WDPCP: variants seen among roughly 807,000 people sequenced by gnomAD.
WDPCP encodes WD repeat-containing and planar cell polarity effector protein fritz homolog.
WDPCP carries 71 observed loss-of-function variants against 93.1 expected under a neutral mutation model. The observed-to-expected ratio is 0.76, with a 90% confidence interval of 0.63 to 0.93. The LOEUF is 0.93. WDPCP is among the 40% of genes least tolerant of loss of function. The probability of loss-of-function intolerance (pLI) is 0.00; values close to 1 mark genes in which losing one functional copy is unlikely to be tolerated. For synonymous variants in WDPCP, 315 were observed against 315.0 expected (o/e 1.00, Z 0.00); for missense variants, 844 against 887.4 (o/e 0.95, Z 0.62).
At chr2:63,473,513 A>G (rs1227942931) in intron 6 of WDPCP, among the ~76,000 whole-genome samples, 2 of 152,054 alleles carry the variant, frequency 1.3e-5, no homozygotes, top group Non-Finnish European at 1.5e-5. Flanking sequence ...GGTCATCCCA[A>G]TATTTGTGCC....
rs531839724 is a variant in WDPCP at position 63,799,682 on chromosome 2, G to A, written n.308+13940C>T. On this transcript the variant is annotated intron_variant and non_coding_transcript_variant, in intron 2 of 4. Coordinates refer to the WDPCP transcript ENST00000467687. Reference sequence around the variant, plus strand: ...TCTCATATTCTTCTTTTTTAAATTCGTAACCCTTCACAAATATAAAAACCA... The same window carrying A: ...TCTCATATTCTTCTTTTTTAAATTCATAACCCTTCACAAATATAAAAACCA... Among the ~76,000 whole-genome samples, 23 of 152,152 alleles carry A rather than the reference G, an allele frequency of 1.5e-4. No individual in the cohort carries two copies. In the South Asian group the frequency reaches 4.4e-3, roughly 29 times the overall value.
intron 12 of WDPCP, among the ~76,000 whole-genome samples, chr2:63,318,909 G>A (rs992894128): frequency 1.3e-5 from 2 of 151,954 alleles, no homozygotes; most frequent in African/African-American, 4.8e-5. Context: ...ACCGGCTGAT[G>A]TACCCTTGAC....
chr2:63,525,045 AAAGT>A (rs1418673016), intron 1 of WDPCP, among the ~76,000 whole-genome samples: 1 of 152,216 alleles, frequency 6.6e-6, no homozygotes, highest in East Asian at 1.9e-4. Flanking sequence ...ATAGATACAC[AAAGT>A]AATACTACTC....
intron 10 of WDPCP, among the ~76,000 whole-genome samples, chr2:63,383,635 T>A (rs1359105348): frequency 6.6e-6 from 1 of 152,052 alleles, no homozygotes; most frequent in East Asian, 1.9e-4. Flanking sequence ...ATCGCTTGCA[T>A]CTGGGAGGTG....
At chr2:63,136,049 A>G (rs921334330) in intron 17 of WDPCP, among the ~76,000 whole-genome samples, 3 of 152,224 alleles carry the variant, frequency 2.0e-5, no homozygotes, top group African/African-American at 7.2e-5. Flanking sequence ...TCTGAGGGAC[A>G]TACTTTTTCT....
At chr2:63,413,242 G>A (rs753859060) in intron 9 of WDPCP, among the ~76,000 whole-genome samples, 2 of 152,032 alleles carry the variant, frequency 1.3e-5, no homozygotes, top group African/African-American at 4.8e-5. Flanking sequence ...ACTGATCTTC[G>A]ACAAAGCATA....
intron 2 of WDPCP, among the ~76,000 whole-genome samples, chr2:63,794,720 A>G (rs1364186654): frequency 1.3e-5 from 2 of 152,140 alleles, no homozygotes; most frequent in Non-Finnish European, 2.9e-5. Flanking sequence ...TTAAGCCACC[A>G]CTTTGAGTTG....
chr2:63,332,578 C>T (rs1054553715), intron 12 of WDPCP, among the ~76,000 whole-genome samples: 6 of 151,954 alleles, frequency 3.9e-5, no homozygotes, highest in East Asian at 1.9e-4. Context: ...TTTTTTATTG[C>T]GTTATCTTAC....
chr2:63,718,902 CAATT>C (rs1669375268), intron 2 of WDPCP, among the ~76,000 whole-genome samples: 4 of 152,018 alleles, frequency 2.6e-5, no homozygotes, highest in Admixed American at 6.5e-5. Flanking sequence ...TTTTAAAAAA[CAATT>C]AATATATAAA....
At chr2:63,514,601 G>T (rs1702437727) in intron 1 of WDPCP, among the ~76,000 whole-genome samples, 1 of 152,148 alleles carries the variant, frequency 6.6e-6, no homozygotes, top group Non-Finnish European at 1.5e-5. Context: ...GTACAAAACT[G>T]CTGGGCTGCC....
chr2:63,313,882 A>T (rs201275849), intron 12 of WDPCP, among the ~76,000 whole-genome samples: 8 of 30,846 alleles, frequency 2.6e-4, no homozygotes, highest in African/African-American at 5.4e-4. Context: ...ATATATATAT[A>T]TATATTTTTT....
intron 2 of WDPCP, among the ~76,000 whole-genome samples, chr2:63,692,765 T>C (rs933322304): frequency 6.6e-6 from 1 of 152,238 alleles, no homozygotes; most frequent in African/African-American, 2.4e-5. Context: ...TAATGGCTTA[T>C]ATCTCAAACA....
chr2:63,797,574 T>G (rs1311122206), intron 2 of WDPCP, among the ~76,000 whole-genome samples: 5 of 150,958 alleles, frequency 3.3e-5, no homozygotes, highest in South Asian at 4.2e-4. Flanking sequence ...TTACATTCAG[T>G]GTTTTGAGAC....
chr2:63,719,382 G>C (rs1669383650), intron 2 of WDPCP, among the ~76,000 whole-genome samples: 2 of 152,134 alleles, frequency 1.3e-5, no homozygotes, highest in African/African-American at 4.8e-5. Flanking sequence ...TTTTCTGTCT[G>C]CTCTCTGATT....
intron 2 of WDPCP, among the ~76,000 whole-genome samples, chr2:63,807,125 G>A (rs1398493212): frequency 2.0e-5 from 3 of 152,166 alleles, no homozygotes; most frequent in Non-Finnish European, 2.9e-5. Context: ...GTATTAATTT[G>A]GGGAACTAAT....
At chr2:63,403,848 T>G in intron 10 of WDPCP, 200 bp downstream of exon 10, 1 of 676,052 alleles carries the variant, frequency 1.5e-6, no homozygotes, top group East Asian at 2.9e-5. Context: ...TAGTGCAATT[T>G]ACAAATTATT....
intron 14 of WDPCP, among the ~76,000 whole-genome samples, chr2:63,238,191 A>G (rs1679567712): frequency 6.6e-6 from 1 of 152,118 alleles, no homozygotes; most frequent in African/African-American, 2.4e-5. Context: ...TTTGTCTCAG[A>G]TAATTACACC....
In WDPCP at chr2:63,120,013, A is replaced by G. The variant is rs1184134338; in HGVS notation, c.*1993T>C. On this transcript the variant is annotated 3_prime_UTR_variant, in exon 18 of 18. Coordinates refer to ENST00000272321, the MANE Select transcript of WDPCP (RefSeq NM_015910.7). Reference sequence around the variant, plus strand: ...ACTATGATTTGTTTAATTTTCACCTACATAACTGGCAAACATTTTCATTAT... The same window carrying G: ...ACTATGATTTGTTTAATTTTCACCTGCATAACTGGCAAACATTTTCATTAT... Among the ~76,000 whole-genome samples the G allele has an allele frequency of 6.6e-6, 1 of 152,194 alleles. No individual in the cohort carries two copies. Among genetic ancestry groups the G allele is most frequent in the African/African-American group, 2.4e-5 (1 of 41,456 alleles).
chr2:63,808,285 T>C lies in WDPCP; in HGVS notation n.308+5337A>G, dbSNP rs796803992. 4.5e-4 allele frequency among the ~76,000 whole-genome samples: 68 copies of C among 150,636 alleles called. 1 individual carries two copies. Among genetic ancestry groups the C allele is most frequent in the African/African-American group, 1.6e-3 (65 of 41,386 alleles). On this transcript the variant is annotated intron_variant and non_coding_transcript_variant, in intron 2 of 4. Coordinates refer to the WDPCP transcript ENST00000467687. ...ATCTGTTTCCTTAAAATTAATTCCTTCGCTCCCTCTCCCTCTCCCTCTCCC... is the reference window on the plus strand; with the variant it reads ...ATCTGTTTCCTTAAAATTAATTCCTCCGCTCCCTCTCCCTCTCCCTCTCCC...
Sources: gnomAD v4.1 joint callset for allele counts (sites outside exome capture counted in the v4.1 genomes callset) on GRCh38, gnomAD v4.1.1 for gene constraint, MANE v1.5 for transcripts, NCBI Gene and HGNC (gene_info 2026-07-23, HGNC 2026-07-21) for gene names.